Variants in METTL15 observed in about 807,000 individuals in gnomAD.
METTL15 encodes methyltransferase 15, mitochondrial 12S rRNA N4-cytidine, also known as 12S rRNA N(4)-cytidine methyltransferase METTL15.
A neutral mutation model predicts 38.3 loss-of-function variants in METTL15; 34 were observed. That is an observed-to-expected ratio of 0.89 (90% CI 0.68 to 1.18). METTL15 has a LOEUF of 1.18. Among genes scored for constraint, METTL15 ranks in the 50% most tolerant of loss-of-function variants. The probability of loss-of-function intolerance (pLI) is 0.00; values close to 1 mark genes in which losing one functional copy is unlikely to be tolerated. For synonymous variants in METTL15, 162 were observed against 170.9 expected (o/e 0.95, Z 0.41); for missense variants, 438 against 498.4 (o/e 0.88, Z 1.15).
chr11:28,527,596 C>T (rs187473255), downstream of METTL15, among the ~76,000 whole-genome samples: 132 of 152,250 alleles, frequency 8.7e-4, no homozygotes, highest in African/African-American at 3.1e-3. Flanking sequence ...AAAATAAATG[C>T]ACAATTGCAA....
At chr11:28,345,350 G>A (rs1221017610) in intron 3 of METTL15, among the ~76,000 whole-genome samples, 2 of 152,000 alleles carry the variant, frequency 1.3e-5, no homozygotes, top group Admixed American at 6.5e-5. Context: ...CACCACGCCC[G>A]GCTAATTTTT....
intron 4 of METTL15, among the ~76,000 whole-genome samples, chr11:28,223,946 C>T (rs891778787): frequency 2.6e-5 from 4 of 151,868 alleles, no homozygotes; most frequent in African/African-American, 7.3e-5. Flanking sequence ...ATAATACATA[C>T]TATGTATACT....
intron 6 of METTL15, among the ~76,000 whole-genome samples, chr11:28,315,985 C>T (rs1857467375): frequency 6.6e-6 from 1 of 152,240 alleles, no homozygotes; most frequent in Non-Finnish European, 1.5e-5. Context: ...CTTGGGCCCT[C>T]ATGGAGAACG....
intron 3 of METTL15, among the ~76,000 whole-genome samples, chr11:28,175,358 T>C (rs1198639221): frequency 2.0e-5 from 3 of 152,176 alleles, no homozygotes; most frequent in African/African-American, 7.2e-5. Context: ...TGTTGGACAT[T>C]TGGGTTGGTT....
At chr11:28,218,887 C>T (rs898596696) in intron 4 of METTL15, among the ~76,000 whole-genome samples, 2 of 152,154 alleles carry the variant, frequency 1.3e-5, no homozygotes, top group Admixed American at 6.6e-5. Flanking sequence ...ATTGAAGCAG[C>T]CTTGCATCCC....
chr11:28,416,587 G>T (rs1398323747), intron 5 of METTL15, among the ~76,000 whole-genome samples: 1 of 152,178 alleles, frequency 6.6e-6, no homozygotes, highest in Non-Finnish European at 1.5e-5. Flanking sequence ...CCAGGTATAG[G>T]TGAATTGCCC....
At chr11:28,359,725 TTA>T (rs1187603957) in intron 4 of METTL15, among the ~76,000 whole-genome samples, 1 of 152,196 alleles carries the variant, frequency 6.6e-6, no homozygotes, top group Non-Finnish European at 1.5e-5. Flanking sequence ...CAAGAAATTC[TTA>T]TATGCTGTAT....
intron 5 of METTL15, among the ~76,000 whole-genome samples, chr11:28,414,835 A>G (rs1850759496): frequency 6.6e-6 from 1 of 152,236 alleles, no homozygotes; most frequent in Non-Finnish European, 1.5e-5. Flanking sequence ...ATTATAAGCC[A>G]CAGAAAGCTT....
chr11:28,199,502 A>G (rs1459021206), intron 3 of METTL15, among the ~76,000 whole-genome samples: 1 of 151,994 alleles, frequency 6.6e-6, no homozygotes, highest in Non-Finnish European at 1.5e-5. Context: ...AAATGCCTGT[A>G]TTTTTTAACG....
chr11:28,527,095 A>G (rs1301198648), downstream of METTL15: 2 of 152,202 alleles, frequency 1.3e-5, no homozygotes, highest in Non-Finnish European at 2.9e-5. Flanking sequence ...CACTTGGTTG[A>G]ATGATGTTTA....
intron 6 of METTL15, among the ~76,000 whole-genome samples, chr11:28,472,495 A>G (rs1167833573): frequency 3.9e-5 from 6 of 152,314 alleles, no homozygotes; most frequent in South Asian, 4.1e-4. Flanking sequence ...AGTAGATTCC[A>G]TGAAGAAATT....
intron 5 of METTL15, among the ~76,000 whole-genome samples, chr11:28,413,612 T>C (rs557089387): frequency 5.4e-4 from 82 of 152,266 alleles, no homozygotes; most frequent in African/African-American, 1.9e-3. Context: ...CTAGAAATGG[T>C]AATTTTCATG....
chr11:28,435,106 A>G (rs1229976672), intron 6 of METTL15, among the ~76,000 whole-genome samples: 1 of 152,228 alleles, frequency 6.6e-6, no homozygotes, highest in Non-Finnish European at 1.5e-5. Context: ...GTCTGCCTTC[A>G]GGGCACAATT....
At chr11:28,152,761 CAAGA>C (rs1220597278) in intron 3 of METTL15, among the ~76,000 whole-genome samples, 2 of 149,174 alleles carry the variant, frequency 1.3e-5, no homozygotes, top group South Asian at 4.4e-4. Flanking sequence ...AGATCTAGTG[CAAGA>C]AAGAATTAGA....
chr11:28,368,152 CAAA>C (rs572862749), intron 5 of METTL15, among the ~76,000 whole-genome samples: 2 of 108,716 alleles, frequency 1.8e-5, no homozygotes, highest in South Asian at 2.9e-4. Flanking sequence ...ACAAAAAAAA[CAAA>C]AAAAAAAACA....
chr11:28,396,045 A>G (rs1850564728), intron 5 of METTL15, among the ~76,000 whole-genome samples: 1 of 152,174 alleles, frequency 6.6e-6, no homozygotes, highest in African/African-American at 2.4e-5. Flanking sequence ...AAAATTCAAC[A>G]GTCCTTCATG....
chr11:28,440,133 C>T (rs1179193832), intron 6 of METTL15, among the ~76,000 whole-genome samples: 1 of 152,056 alleles, frequency 6.6e-6, no homozygotes, highest in Non-Finnish European at 1.5e-5. Context: ...GGGAACTGAT[C>T]AATGTCATTT....
chr11:28,207,653 T>A (rs1238040128), intron 3 of METTL15, among the ~76,000 whole-genome samples: 1 of 152,180 alleles, frequency 6.6e-6, no homozygotes, highest in East Asian at 1.9e-4. Flanking sequence ...TCCCTCTTTT[T>A]CTATAGATTG....
At chr11:28,459,566 A>T (rs893597319) in intron 6 of METTL15, among the ~76,000 whole-genome samples, 174 of 152,234 alleles carry the variant, frequency 1.1e-3, no homozygotes, top group African/African-American at 4.0e-3. Flanking sequence ...TTTTGGAATC[A>T]AGTTACTCCT....
Sources: gnomAD v4.1 joint callset for allele counts (sites outside exome capture counted in the v4.1 genomes callset) on GRCh38, gnomAD v4.1.1 for gene constraint, MANE v1.5 for transcripts, NCBI Gene and HGNC (gene_info 2026-07-23, HGNC 2026-07-21) for gene names.